The following RAD51B variants were observed in gnomAD, a reference collection of about 807,000 sequenced individuals.
The protein encoded by RAD51B is DNA repair protein RAD51 homolog 2.
Under a neutral mutation model 42.2 loss-of-function variants are expected in RAD51B, and 38 were observed. The ratio of observed to expected loss-of-function variants is 0.90; its 90% CI spans 0.70 to 1.18. RAD51B has a LOEUF of 1.18. Among genes scored for constraint, RAD51B ranks in the 50% most tolerant of loss-of-function variants. The probability of loss-of-function intolerance (pLI) is 0.00; values close to 1 mark genes in which losing one functional copy is unlikely to be tolerated. For missense variants in RAD51B, 373 were observed against 400.7 expected (o/e 0.93, Z 0.59); for synonymous variants, 154 against 145.2 (o/e 1.06, Z -0.43).
intron 10 of RAD51B, among the ~76,000 whole-genome samples, chr14:68,496,472 G>T (rs11158748): frequency 6.6e-6 from 1 of 151,976 alleles, no homozygotes; most frequent in Admixed American, 6.5e-5. Context: ...TAACACTGGG[G>T]TCCACTGTCC....
At chr14:68,484,359 C>CTTTTTTTTTTTTTTTTT (rs10665607) in intron 10 of RAD51B, among the ~76,000 whole-genome samples, 1 of 130,180 alleles carries the variant, frequency 7.7e-6, no homozygotes, top group Non-Finnish European at 1.6e-5. Flanking sequence ...CTTTCTTTTT[C>CTTTTTTTTTTTTTTTTT]TTTTTTTTTT....
At chr14:68,452,831 G>T (rs1334148303) in intron 9 of RAD51B, among the ~76,000 whole-genome samples, 1 of 152,190 alleles carries the variant, frequency 6.6e-6, no homozygotes, top group South Asian at 2.1e-4. Context: ...GATGAGGAAA[G>T]TAAGTCTTGA....
intron 7 of RAD51B, among the ~76,000 whole-genome samples, chr14:68,081,611 C>T (rs2076913003): frequency 6.6e-6 from 1 of 152,184 alleles, no homozygotes; most frequent in African/African-American, 2.4e-5. Context: ...CTATTGGAGG[C>T]TACTTAGAGG....
intron 3 of RAD51B, among the ~76,000 whole-genome samples, chr14:67,827,893 T>C (rs1012731981): frequency 2.6e-5 from 4 of 152,236 alleles, no homozygotes; most frequent in African/African-American, 7.2e-5. Context: ...CTATCATTGA[T>C]GGGCATTTGG....
chr14:67,970,798 A>G (rs1272069546), intron 7 of RAD51B, among the ~76,000 whole-genome samples: 2 of 152,080 alleles, frequency 1.3e-5, no homozygotes, highest in Non-Finnish European at 2.9e-5. Flanking sequence ...TCTTTAAAGG[A>G]AAAATAATTT....
intron 10 of RAD51B, among the ~76,000 whole-genome samples, chr14:68,528,181 G>C (rs10147979): frequency 0.2 from 31,054 of 152,010 alleles, 3,421 homozygotes; most frequent in Middle Eastern, 0.37. Context: ...ATCCCTGCAT[G>C]GTTTCTAGCC....
intron 10 of RAD51B, among the ~76,000 whole-genome samples, chr14:68,484,917 C>T (rs1883509853): frequency 6.6e-6 from 1 of 152,186 alleles, no homozygotes; most frequent in African/African-American, 2.4e-5. Context: ...CTGTGTTTCT[C>T]TCTTAGCCTT....
chr14:68,605,063 A>G (rs541748332), intron 10 of RAD51B, among the ~76,000 whole-genome samples: 5 of 152,324 alleles, frequency 3.3e-5, no homozygotes, highest in Admixed American at 6.5e-5. Context: ...CCAGCCCTCA[A>G]GGGAGGCCTC....
At chr14:68,499,260 T>C (rs1178431301) in intron 10 of RAD51B, among the ~76,000 whole-genome samples, 1 of 152,190 alleles carries the variant, frequency 6.6e-6, no homozygotes, top group Non-Finnish European at 1.5e-5. Flanking sequence ...GAGTCCCCCA[T>C]TGGATGCAAT....
chr14:68,132,357 A>G (rs2077910860), intron 7 of RAD51B, among the ~76,000 whole-genome samples: 1 of 152,214 alleles, frequency 6.6e-6, no homozygotes, highest in South Asian at 2.1e-4. Context: ...ATAATCTTTG[A>G]ATATTGGAAA....
At chr14:67,821,552 G>A (rs1196026850) in intron 1 of RAD51B, among the ~76,000 whole-genome samples, 1 of 152,138 alleles carries the variant, frequency 6.6e-6, no homozygotes, top group Non-Finnish European at 1.5e-5. Flanking sequence ...CGACCTCCTG[G>A]GCTCAGGTGA....
intron 7 of RAD51B, among the ~76,000 whole-genome samples, chr14:68,085,890 G>A (rs1486219189): frequency 1.3e-5 from 2 of 152,194 alleles, no homozygotes; most frequent in African/African-American, 4.8e-5. Context: ...TAGATGGGCA[G>A]GCTGTAGGGC....
chr14:68,191,117 G>T (rs2079257417), intron 7 of RAD51B, among the ~76,000 whole-genome samples: 1 of 152,098 alleles, frequency 6.6e-6, no homozygotes, highest in Non-Finnish European at 1.5e-5. Flanking sequence ...AAATGTTATT[G>T]TTCATTTTTA....
intron 10 of RAD51B, among the ~76,000 whole-genome samples, chr14:68,648,674 A>ACACACACAC (rs1892633858): frequency 1.4e-5 from 2 of 143,722 alleles, no homozygotes; most frequent in South Asian, 4.6e-4. Context: ...AAAGCACACA[A>ACACACACAC]ACACACACAC....
chr14:68,257,814 G>A (rs993180898), intron 7 of RAD51B, among the ~76,000 whole-genome samples: 2 of 152,102 alleles, frequency 1.3e-5, no homozygotes, highest in African/African-American at 4.8e-5. Flanking sequence ...CTTCATAGAA[G>A]TGGAGTCCAT....
intron 7 of RAD51B, among the ~76,000 whole-genome samples, chr14:67,988,448 C>T (rs2075233505): frequency 6.6e-6 from 1 of 151,888 alleles, no homozygotes; most frequent in South Asian, 2.1e-4. Flanking sequence ...AACAGAACAA[C>T]ACTCCATCTC....
intron 4 of RAD51B, among the ~76,000 whole-genome samples, chr14:67,856,637 A>G (rs1368189729): frequency 6.6e-6 from 1 of 152,148 alleles, no homozygotes; most frequent in Non-Finnish European, 1.5e-5. Context: ...CTCATCTTGA[A>G]TGTGAGGAGA....
chr14:68,180,631 A>G (rs950857415), intron 7 of RAD51B, among the ~76,000 whole-genome samples: 2 of 152,234 alleles, frequency 1.3e-5, no homozygotes, highest in Non-Finnish European at 2.9e-5. Context: ...TAACTTTGCC[A>G]AGGTCTCACA....
At chr14:68,538,132 C>T (rs1213526346) in intron 10 of RAD51B, among the ~76,000 whole-genome samples, 1 of 152,238 alleles carries the variant, frequency 6.6e-6, no homozygotes, top group African/African-American at 2.4e-5. Flanking sequence ...AGCCAAGACA[C>T]CTCACATTCT....
Sources: allele counts gnomAD v4.1 joint callset (sites outside exome capture counted in the v4.1 genomes callset), GRCh38; gene constraint gnomAD v4.1.1; transcripts MANE v1.5; gene names NCBI Gene and HGNC (gene_info 2026-07-23, HGNC 2026-07-21).